LIG1: variants seen among roughly 807,000 people sequenced by gnomAD.
LIG1 encodes DNA ligase 1, also known as ligase I, DNA, ATP-dependent.
A neutral mutation model predicts 115.7 loss-of-function variants in LIG1; 70 were observed. The ratio of observed to expected loss-of-function variants is 0.60; its 90% CI spans 0.50 to 0.74. The LOEUF is 0.74. Among genes scored for constraint, LIG1 ranks in the 30% least tolerant of loss-of-function variants. The pLI, the probability that LIG1 is intolerant of heterozygous loss-of-function variation, is 0.00. For missense variants in LIG1, 1,115 were observed against 1,225.6 expected, an observed-to-expected ratio of 0.91 and a Z score of 1.35; for synonymous variants, 487 against 495.3, an observed-to-expected ratio of 0.98 and a Z score of 0.22.
At position 48,154,737 on chromosome 19, in the gene LIG1, G is replaced by C. The variant is rs138486376; in HGVS notation, c.371-770C>G. ...TGTTATATCTCATGTTGGCCATTGC[G>C]CCACCTGGTCCCCGGTCTCCCGGCC... On this transcript the variant is annotated intron_variant, in intron 5 of 27. Transcript: ENST00000263274. Among the ~76,000 whole-genome samples the C allele has an allele frequency of 9.5e-4, 145 of 152,244 alleles. 1 individual carries two copies. The highest frequency in any genetic ancestry group is 3.5e-3 in the African/African-American group (145 of 41,548).
intron 5 of LIG1, among the ~76,000 whole-genome samples, chr19:48,155,311 G>T (rs920132653): frequency 6.6e-6 from 1 of 152,030 alleles, no homozygotes; most frequent in Non-Finnish European, 1.5e-5. Flanking sequence ...CTCTCACCAC[G>T]TGCTATCCTC....
At chr19:48,159,159 C>T (rs563694442) in intron 4 of LIG1, among the ~76,000 whole-genome samples, 1 of 151,612 alleles carries the variant, frequency 6.6e-6, no homozygotes, top group South Asian at 2.1e-4. Context: ...CTCACCACAA[C>T]CTCCATCTCC....
chr19:48,143,031 A>G (rs1462893638), intron 11 of LIG1, among the ~76,000 whole-genome samples: 2 of 152,190 alleles, frequency 1.3e-5, no homozygotes, highest in African/African-American at 4.8e-5. Flanking sequence ...GGGACAGAGA[A>G]GGGGGCTGGC....
intron 19 of LIG1, among the ~76,000 whole-genome samples, chr19:48,128,491 C>T (rs1295844265): frequency 1.3e-5 from 2 of 152,236 alleles, no homozygotes; most frequent in Non-Finnish European, 2.9e-5. Flanking sequence ...GGGGGACTCT[C>T]CCGGGTCAGC....
intron 4 of LIG1, among the ~76,000 whole-genome samples, chr19:48,160,032 G>A (rs1209070050): frequency 6.6e-6 from 1 of 152,104 alleles, no homozygotes; most frequent in Admixed American, 6.6e-5. Context: ...CTTTGAAAAC[G>A]GAGAAAAGGG....
Position 48,136,056 on chromosome 19 carries a change from CACTG to C in LIG1, c.1397_1400del (p.Ala466GlyfsTer35), listed in dbSNP as rs2034367728. On this transcript the variant is annotated frameshift_variant, in exon 15 of 28. Coordinates refer to ENST00000263274, the MANE Select transcript of LIG1 (RefSeq NM_000234.3). LOFTEE classifies it high-confidence loss of function. ...CACCTTGGCCCGGGGGCGTGAGGCTCACTGCCTGGGAGAGGGCAGCCAGCACCGA... is the reference window on the plus strand; with the variant it reads ...CACCTTGGCCCGGGGGCGTGAGGCTCCCTGGGAGAGGGCAGCCAGCACCGA... 2 of 1,568,936 alleles carry C rather than the reference CACTG, an allele frequency of 1.3e-6. No homozygotes were observed. The highest frequency in any genetic ancestry group is 2.7e-5 in the African/African-American group (2 of 73,838).
chr19:48,162,364 A>G lies in LIG1; in HGVS notation c.18-13T>C. ...GTGGAAAAATGACCTAGAGGAGCAT[A>G]AAAGGGGGTAAAAAAAGGAGAATAA... On this transcript the variant is annotated splice_polypyrimidine_tract_variant and intron_variant, in intron 2 of 27. Coordinates refer to ENST00000263274, the MANE Select transcript of LIG1 (RefSeq NM_000234.3). The G allele has an allele frequency of 8.8e-6, 14 of 1,594,534 alleles. No homozygotes were observed. Among genetic ancestry groups the G allele is most frequent in the Non-Finnish European group, 1.2e-5 (14 of 1,162,672 alleles).
At chr19:48,139,578 G>T (rs1235186939) in intron 12 of LIG1, among the ~76,000 whole-genome samples, 1 of 152,102 alleles carries the variant, frequency 6.6e-6, no homozygotes, top group Non-Finnish European at 1.5e-5. Context: ...GCCCCTTCAG[G>T]CTGCTGGCCC....
chr19:48,133,332 T>C (rs2034166888), intron 17 of LIG1: 2 of 554,808 alleles, frequency 3.6e-6, no homozygotes, highest in Admixed American at 3.1e-5. Context: ...GTGCAATGTC[T>C]GGCTCACATC....
rs1414034074 is a variant in LIG1 at position 48,122,288 on chromosome 19, G to C, written c.2232+646C>G. On this transcript the variant is annotated intron_variant, in intron 23 of 27. Coordinates refer to ENST00000263274, the MANE Select transcript of LIG1 (RefSeq NM_000234.3). The surrounding 1 kb of genome is among the most constrained non-coding windows in gnomAD (Gnocchi z 4.3). ...GGAGCTTCGCACAATGACAACCTGT[G>C]ACTCCCGGCACGGAACCCCCACTGA... 6.3e-6 allele frequency: 1 copy of C among 157,804 alleles called. No individual in the cohort carries two copies. The highest frequency in any genetic ancestry group is 1.4e-5 in the Non-Finnish European group (1 of 71,352). The allele number at this position is 157,804 out of a possible 1,614,324, so 9.8% of individuals were successfully genotyped here. A position where few individuals can be genotyped will look rare whatever the true frequency, so the allele number is the denominator to read the frequency against.
intron 11 of LIG1, among the ~76,000 whole-genome samples, chr19:48,142,447 A>AAAAAAAAAAAAAAAC (rs1431505727): frequency 1.3e-5 from 2 of 150,024 alleles, no homozygotes; most frequent in African/African-American, 4.9e-5. Context: ...CATCTCAAAA[A>AAAAAAAAAAAAAAAC]AAAAAAAAAA....
chr19:48,149,400 T>G (rs1299339230), intron 9 of LIG1, among the ~76,000 whole-genome samples: 1 of 152,106 alleles, frequency 6.6e-6, no homozygotes, highest in Admixed American at 6.5e-5. Flanking sequence ...TTAGATTTTC[T>G]CCTGACGGCT....
chr19:48,149,769 G>A lies in LIG1; in HGVS notation c.770C>T (p.Ala257Val), dbSNP rs1224810211. ...GACCTGGACACTGACTCACCCCTCA[G>A]CAGCTCCCTCCTTTCCTGGAGCCCC... ...EPGAPGKEGAAEGPLDPSGYN... is the reference protein window; with the variant it reads ...EPGAPGKEGAVEGPLDPSGYN... The change falls in exon 9 of 28, where the codon GCT becomes GTT. Residue 257 changes from alanine (A) to valine (V), a missense_variant. Coordinates refer to ENST00000263274, the MANE Select transcript of LIG1 (RefSeq NM_000234.3). 6 of 1,613,616 alleles carry A rather than the reference G, an allele frequency of 3.7e-6. No homozygotes were observed. The highest frequency in any genetic ancestry group is 1.3e-5 in the African/African-American group (1 of 74,910).
At chr19:48,120,894 C>CA (rs1198224019) in intron 24 of LIG1, 1 of 1,236,156 alleles carries the variant, frequency 8.1e-7, no homozygotes, top group African/African-American at 1.6e-5. Context: ...CATTTCATAA[C>CA]AAAAAAATTC....
At chr19:48,125,295 T>C (rs1182478462) in intron 21 of LIG1, among the ~76,000 whole-genome samples, 1 of 152,118 alleles carries the variant, frequency 6.6e-6, no homozygotes, top group Admixed American at 6.5e-5. Flanking sequence ...AAGTATCCAG[T>C]GTTTGGAAAG....
intron 9 of LIG1, among the ~76,000 whole-genome samples, chr19:48,148,345 G>C (rs2035255037): frequency 6.6e-6 from 1 of 152,084 alleles, no homozygotes; most frequent in Admixed American, 6.5e-5. Context: ...TTGGTGGCGA[G>C]GCACCTGTAA....
At chr19:48,165,394 C>A (rs185027073) in intron 2 of LIG1, among the ~76,000 whole-genome samples, 156 bp downstream of exon 2, 8 of 152,308 alleles carry the variant, frequency 5.3e-5, no homozygotes, top group Admixed American at 4.6e-4. Context: ...CCATATCCCA[C>A]GGCTCATTTT....
intron 2 of LIG1, among the ~76,000 whole-genome samples, chr19:48,164,154 C>T (rs2123056719): frequency 6.6e-6 from 1 of 152,072 alleles, no homozygotes; most frequent in East Asian, 1.9e-4. Flanking sequence ...TTGCAACTTT[C>T]CTGTACCTCT....
At chr19:48,152,035 G>A (rs1350598531) in intron 6 of LIG1, among the ~76,000 whole-genome samples, 1 of 152,086 alleles carries the variant, frequency 6.6e-6, no homozygotes, top group Non-Finnish European at 1.5e-5. Context: ...AGTAGAAAGA[G>A]GCCACCCCCG....
Sources: gnomAD v4.1 joint callset for allele counts (sites outside exome capture counted in the v4.1 genomes callset) on GRCh38, gnomAD v4.1.1 for gene constraint, Gnocchi (gnomAD v3.1) non-coding constraint, MANE v1.5 for transcripts, NCBI Gene and HGNC (gene_info 2026-07-23, HGNC 2026-07-21) for gene names.